MARK2: variants seen among roughly 807,000 people sequenced by gnomAD.
The protein encoded by MARK2 is serine/threonine-protein kinase MARK2.
In MARK2, 16 loss-of-function variants were observed where a neutral mutation model predicts 89.8. The observed-to-expected ratio is 0.18, with a 90% CI of 0.12 to 0.27. MARK2 has a LOEUF of 0.27. MARK2 is among the 10% of genes least tolerant of loss of function. MARK2 has a pLI of 1.00. For missense variants in MARK2, 621 were observed against 1,049.9 expected, an observed-to-expected ratio of 0.59 and a Z score of 5.65; for synonymous variants, 382 against 399.5, an observed-to-expected ratio of 0.96 and a Z score of 0.52.
Position 63,902,798 on chromosome 11 carries a change from C to A in MARK2, c.1416+16C>A. On this transcript the variant is annotated intron_variant, in intron 13 of 18. Transcript: ENST00000402010. This position sits in a 1 kb window ranked among gnomAD's most constrained non-coding sequence, Gnocchi z 4.2. Reference sequence around the variant, plus strand: ...CCCCTCCACGGTGAGCCGCACCCCCCGCTCTCTCCTTCCTTCCTGCGGTGG... The same window carrying A: ...CCCCTCCACGGTGAGCCGCACCCCCAGCTCTCTCCTTCCTTCCTGCGGTGG... 6.3e-7 allele frequency: 1 copy of A among 1,598,856 alleles called. No individual in the cohort carries two copies. Among genetic ancestry groups the A allele is most frequent in the Non-Finnish European group, 8.6e-7 (1 of 1,168,654 alleles).
chr11:63,839,610 C>G (rs1302859220), intron 1 of MARK2, 50 bp downstream of exon 1: 1 of 1,172,296 alleles, frequency 8.5e-7, no homozygotes, highest in Non-Finnish European at 1.2e-6. Flanking sequence ...CCCTTTGCAC[C>G]TTGCGGAGCC....
chr11:63,885,124 C>T (rs950576985), intron 1 of MARK2, among the ~76,000 whole-genome samples: 1 of 152,006 alleles, frequency 6.6e-6, no homozygotes, highest in Non-Finnish European at 1.5e-5. Context: ...GCCCAGGAGG[C>T]GAAGATTGCA....
chr11:63,885,963 C>T (rs762934352), intron 1 of MARK2, among the ~76,000 whole-genome samples: 1 of 151,614 alleles, frequency 6.6e-6, no homozygotes, highest in Non-Finnish European at 1.5e-5. Context: ...CTCGTCTCTA[C>T]TAAAAATATA....
chr11:63,888,829 C>A, intron 1 of MARK2: 1 of 1,294,644 alleles, frequency 7.7e-7, no homozygotes, highest in Non-Finnish European at 1.0e-6. Context: ...GTAAGGGTGG[C>A]TGGCTGAGCC....
At chr11:63,908,713 T>G (rs533822943) in intron 18 of MARK2, among the ~76,000 whole-genome samples, 164 bp from the exon 19 acceptor site, 1 of 151,908 alleles carries the variant, frequency 6.6e-6, no homozygotes, top group South Asian at 2.1e-4. Context: ...GAGATGGGGG[T>G]TGGAGGACTG....
Position 63,859,294 on chromosome 11 carries a change from T to C in MARK2, c.54+19734T>C, listed in dbSNP as rs2135233685. On this transcript the variant is annotated intron_variant, in intron 1 of 18. Transcript: ENST00000402010. ...CTTTTTGTTTCTTTTCCTTTTGTAC[T>C]TGACTCTTTTTAACCTGTTTATTTC... 1.3e-5 allele frequency among the ~76,000 whole-genome samples: 2 copies of C among 152,138 alleles called. 1 individual carries two copies. The highest frequency in any genetic ancestry group is 3.9e-4 in the East Asian group (2 of 5,176).
At chr11:63,866,896 G>A (rs1056793740) in intron 1 of MARK2, among the ~76,000 whole-genome samples, 1 of 152,006 alleles carries the variant, frequency 6.6e-6, no homozygotes, top group Non-Finnish European at 1.5e-5. Context: ...TTTTTTAGAT[G>A]GCATAGAATC....
intron 1 of MARK2, among the ~76,000 whole-genome samples, chr11:63,859,789 G>T (rs985746454): frequency 4.0e-5 from 6 of 151,606 alleles, no homozygotes; most frequent in Admixed American, 3.9e-4. Context: ...GTGCCACCAT[G>T]CCCGGCTTAT....
In MARK2 at chr11:63,902,493, TG is replaced by T; in HGVS notation, c.1235-103del. 1 of 1,381,782 alleles carries T rather than the reference TG, an allele frequency of 7.2e-7. No homozygotes were observed. 85.6% of individuals were successfully genotyped at this position (1,381,782 alleles called of 1,614,324 possible). A position where few individuals can be genotyped will look rare whatever the true frequency, so the allele number is the denominator to read the frequency against. ...CTTCCCTTCCCTCGCCTCTGTGGAATGGGGGCTTGCTGGGTTGTTGGCCAGC... is the reference window on the plus strand; with the variant it reads ...CTTCCCTTCCCTCGCCTCTGTGGAATGGGGCTTGCTGGGTTGTTGGCCAGC... On this transcript the variant is annotated intron_variant, in intron 12 of 18. Transcript: ENST00000402010. The surrounding 1 kb of genome is among the most constrained non-coding windows in gnomAD (Gnocchi z 4.2).
intron 1 of MARK2, among the ~76,000 whole-genome samples, chr11:63,875,256 G>T (rs1252897762): frequency 6.6e-6 from 1 of 151,970 alleles, no homozygotes; most frequent in Non-Finnish European, 1.5e-5. Flanking sequence ...GAGTACCTGG[G>T]ATTACAAGTG....
Position 63,908,754 on chromosome 11 carries a change from C to T in MARK2, c.2007-123C>T, listed in dbSNP as rs962024517. The T allele has an allele frequency of 3.5e-5, 35 of 1,008,310 alleles. No homozygotes were observed. In the South Asian group the frequency reaches 6.4e-4, roughly 18 times the overall value. The allele number at this position is 1,008,310 out of a possible 1,614,324, so 62.5% of individuals were successfully genotyped here. ...CTCCGCCCCCGCAGGCCAGGGGCCACGCCTGGCTGCTCCTGCTCCCTCCCG... is the reference window on the plus strand; with the variant it reads ...CTCCGCCCCCGCAGGCCAGGGGCCATGCCTGGCTGCTCCTGCTCCCTCCCG... On this transcript the variant is annotated intron_variant, in intron 18 of 18. Coordinates refer to ENST00000402010, the MANE Select transcript of MARK2 (RefSeq NM_001039469.3).
chr11:63,885,287 C>T (rs1012650910), intron 1 of MARK2, among the ~76,000 whole-genome samples: 1 of 152,164 alleles, frequency 6.6e-6, no homozygotes. Flanking sequence ...GTCTATAATC[C>T]CAGCACTTTG....
At chr11:63,844,352 C>T (rs912672178) in intron 1 of MARK2, among the ~76,000 whole-genome samples, 9 of 152,112 alleles carry the variant, frequency 5.9e-5, no homozygotes, top group African/African-American at 1.9e-4. Context: ...GGCATGGTGG[C>T]ACATGCCTGT....
chr11:63,894,663 T>A (rs1434354248), intron 1 of MARK2, among the ~76,000 whole-genome samples: 1 of 152,082 alleles, frequency 6.6e-6, no homozygotes, highest in Non-Finnish European at 1.5e-5. Flanking sequence ...ACCATTGCAC[T>A]CCAGCCTGGG....
At position 63,900,470 on chromosome 11, in the gene MARK2, C is replaced by G; in HGVS notation, c.769-89C>G. On this transcript the variant is annotated intron_variant, in intron 8 of 18. Transcript: ENST00000402010. The surrounding 1 kb of genome is among the most constrained non-coding windows in gnomAD (Gnocchi z 4.7). ...CATATTTCATTTATGTCTGCTTTGC[C>G]AGGCTTAAGCTCTCAGGATCTTGGA... is the stretch of plus-strand genomic sequence containing the variant. 6.8e-7 allele frequency: 1 copy of G among 1,464,784 alleles called. No homozygotes were observed. Among genetic ancestry groups the G allele is most frequent in the South Asian group, 1.3e-5 (1 of 79,954 alleles). 90.7% of individuals were successfully genotyped at this position (1,464,784 alleles called of 1,614,324 possible). A position where few individuals can be genotyped will look rare whatever the true frequency, so the allele number is the denominator to read the frequency against.
chr11:63,893,982 C>G (rs571156633), intron 1 of MARK2, among the ~76,000 whole-genome samples: 12 of 152,328 alleles, frequency 7.9e-5, no homozygotes, highest in Admixed American at 7.2e-4. Flanking sequence ...TGGTCCTAAG[C>G]ATTTTGGATA....
intron 1 of MARK2, among the ~76,000 whole-genome samples, chr11:63,891,341 T>C (rs1057181839): frequency 3.9e-5 from 6 of 152,218 alleles, no homozygotes; most frequent in African/African-American, 1.2e-4. Flanking sequence ...ATCTCCGACA[T>C]CTACAGTCTT....
chr11:63,872,892 C>A (rs1267820073), intron 1 of MARK2, among the ~76,000 whole-genome samples: 8 of 124,930 alleles, frequency 6.4e-5, no homozygotes, highest in Non-Finnish European at 1.0e-4. Flanking sequence ...TCCCTGCCCC[C>A]ACCCCCACCC....
intron 1 of MARK2, among the ~76,000 whole-genome samples, chr11:63,849,327 G>A (rs977240631): frequency 6.6e-6 from 1 of 152,202 alleles, no homozygotes; most frequent in East Asian, 1.9e-4. Flanking sequence ...GTCACAGGAA[G>A]TGGGGCTCCT....
Sources: gnomAD v4.1 joint callset for allele counts (sites outside exome capture counted in the v4.1 genomes callset) on GRCh38, gnomAD v4.1.1 for gene constraint, Gnocchi (gnomAD v3.1) non-coding constraint, MANE v1.5 for transcripts, NCBI Gene and HGNC (gene_info 2026-07-23, HGNC 2026-07-21) for gene names.